The following CNTNAP5 variants were observed in gnomAD, a reference collection of about 807,000 sequenced individuals.
CNTNAP5 encodes the protein contactin associated protein family member 5, also known as contactin-associated protein-like 5.
Under a neutral mutation model 150.2 loss-of-function variants are expected in CNTNAP5, and 72 were observed. The observed-to-expected ratio is 0.48, with a 90% CI of 0.40 to 0.58. CNTNAP5 has a LOEUF of 0.58. Ranked by LOEUF, CNTNAP5 falls within the 20% of genes least tolerant of loss-of-function variation. CNTNAP5 has a pLI of 0.00. For missense variants in CNTNAP5, 1,636 were observed against 1,626.2 expected (o/e 1.01, Z -0.10); for synonymous variants, 672 against 619.8 (o/e 1.08, Z -1.25).
intron 10 of CNTNAP5, among the ~76,000 whole-genome samples, chr2:124,555,440 A>C (rs1042883384): frequency 1.3e-5 from 2 of 152,138 alleles, no homozygotes; most frequent in Non-Finnish European, 2.9e-5. Context: ...TGACCATGAA[A>C]CCCATATCAC....
chr2:124,525,917 C>A (rs1694954839), intron 9 of CNTNAP5, among the ~76,000 whole-genome samples: 1 of 152,106 alleles, frequency 6.6e-6, no homozygotes, highest in Non-Finnish European at 1.5e-5. Flanking sequence ...TTCCCACAGC[C>A]CACCAGTGAA....
intron 1 of CNTNAP5, among the ~76,000 whole-genome samples, chr2:124,086,080 T>C (rs1417434713): frequency 6.6e-6 from 1 of 152,126 alleles, no homozygotes; most frequent in Non-Finnish European, 1.5e-5. Flanking sequence ...CGTCTCAAAC[T>C]ACACTTGTGA....
At chr2:124,219,366 G>T (rs900881188) in intron 1 of CNTNAP5, among the ~76,000 whole-genome samples, 2 of 152,120 alleles carry the variant, frequency 1.3e-5, no homozygotes, top group Non-Finnish European at 2.9e-5. Context: ...CATGCTCAGT[G>T]TCTAATAAAT....
intron 1 of CNTNAP5, among the ~76,000 whole-genome samples, chr2:124,185,381 A>G (rs1685310833): frequency 6.6e-6 from 1 of 152,230 alleles, no homozygotes; most frequent in Non-Finnish European, 1.5e-5. Context: ...CTTCTGTAGT[A>G]TCTTAGTATT....
intron 1 of CNTNAP5, among the ~76,000 whole-genome samples, chr2:124,142,508 T>C (rs1466540606): frequency 7.2e-4 from 104 of 145,356 alleles, no homozygotes; most frequent in African/African-American, 2.4e-3. Flanking sequence ...CTCAACTACA[T>C]GGAAACTGAA....
At chr2:124,297,878 T>C (rs2104642454) in intron 3 of CNTNAP5, among the ~76,000 whole-genome samples, 1 of 150,652 alleles carries the variant, frequency 6.6e-6, no homozygotes, top group Non-Finnish European at 1.5e-5. Flanking sequence ...GGAGTCTCAC[T>C]CTGTTGCCCA....
intron 6 of CNTNAP5, among the ~76,000 whole-genome samples, chr2:124,449,018 G>A (rs558397576): frequency 2.0e-5 from 3 of 152,216 alleles, no homozygotes; most frequent in Non-Finnish European, 2.9e-5. Flanking sequence ...TAGTGGGATA[G>A]ATAATAGAAC....
chr2:124,822,925 C>T (rs1222644903), intron 19 of CNTNAP5, among the ~76,000 whole-genome samples: 7 of 152,124 alleles, frequency 4.6e-5, no homozygotes, highest in Non-Finnish European at 8.8e-5. Context: ...GAATATTTCC[C>T]GAGTCCCAAC....
intron 21 of CNTNAP5, among the ~76,000 whole-genome samples, chr2:124,901,280 G>A (rs1293550842): frequency 1.3e-5 from 2 of 151,486 alleles, no homozygotes; most frequent in Non-Finnish European, 2.9e-5. Context: ...TAGGCCATGT[G>A]TCAAAGAGGA....
chr2:124,272,525 G>C (rs183928104), intron 3 of CNTNAP5, among the ~76,000 whole-genome samples: 1 of 152,252 alleles, frequency 6.6e-6, no homozygotes, highest in Admixed American at 6.5e-5. Flanking sequence ...GAAACAGAGA[G>C]ACAACATGTT....
chr2:124,379,145 C>A (rs1386471470), intron 3 of CNTNAP5, among the ~76,000 whole-genome samples: 1 of 149,448 alleles, frequency 6.7e-6, no homozygotes, highest in African/African-American at 2.5e-5. Flanking sequence ...TTTTTTTTTA[C>A]AACTGTGCAA....
At position 124,377,092 on chromosome 2, in the gene CNTNAP5, A is replaced by T. The variant is rs79748623; in HGVS notation, c.382-40351A>T. 1.8e-4 allele frequency among the ~76,000 whole-genome samples: 27 copies of T among 152,250 alleles called. No homozygotes were observed. In the East Asian group the frequency reaches 5.2e-3, roughly 30 times the overall value. On this transcript the variant is annotated intron_variant, in intron 3 of 23. Transcript: ENST00000682447. ...TCCAAGGAGAAAGAAGTTGGAAAAA[A>T]TCTTTAATAGCCTTAAGGTTCCTCT...
intron 8 of CNTNAP5, among the ~76,000 whole-genome samples, chr2:124,521,985 C>T (rs148678408): frequency 1.3e-5 from 2 of 152,122 alleles, no homozygotes; most frequent in Non-Finnish European, 2.9e-5. Flanking sequence ...CTCTTCTTCA[C>T]CCCAAGCAGA....
chr2:124,293,721 T>C (rs1038795925), intron 3 of CNTNAP5, among the ~76,000 whole-genome samples: 1 of 152,060 alleles, frequency 6.6e-6, no homozygotes, highest in African/African-American at 2.4e-5. Context: ...GAGATTCTTC[T>C]GGTAGTGACT....
At chr2:124,810,818 A>C (rs1182291042) in intron 19 of CNTNAP5, among the ~76,000 whole-genome samples, 3 of 152,046 alleles carry the variant, frequency 2.0e-5, no homozygotes, top group Non-Finnish European at 2.9e-5. Context: ...ATTTAACAAT[A>C]CACAGAGACA....
intron 8 of CNTNAP5, among the ~76,000 whole-genome samples, chr2:124,519,197 G>A (rs374286960): frequency 7.5e-4 from 114 of 152,140 alleles, no homozygotes; most frequent in African/African-American, 2.7e-3. Flanking sequence ...GCAGGGATAA[G>A]GGGATTGGGA....
At chr2:124,785,516 A>C (rs993204868) in intron 17 of CNTNAP5, among the ~76,000 whole-genome samples, 1 of 152,244 alleles carries the variant, frequency 6.6e-6, no homozygotes, top group African/African-American at 2.4e-5. Flanking sequence ...CTGCGACTAC[A>C]GGGGTAGTGT....
intron 1 of CNTNAP5, among the ~76,000 whole-genome samples, chr2:124,217,294 C>T (rs532386321): frequency 6.6e-6 from 1 of 152,182 alleles, no homozygotes; most frequent in Admixed American, 6.5e-5. Flanking sequence ...TTCTTTTCTA[C>T]ATTAAACACT....
chr2:124,727,760 T>C (rs958211075), intron 13 of CNTNAP5, among the ~76,000 whole-genome samples: 2 of 152,042 alleles, frequency 1.3e-5, no homozygotes, highest in African/African-American at 4.8e-5. Flanking sequence ...GCAGAGACAA[T>C]TTTACTTATT....
Sources: gnomAD v4.1 joint callset for allele counts (sites outside exome capture counted in the v4.1 genomes callset) on GRCh38, gnomAD v4.1.1 for gene constraint, MANE v1.5 for transcripts, NCBI Gene and HGNC (gene_info 2026-07-23, HGNC 2026-07-21) for gene names.